BMAL1: variants seen among roughly 807,000 people sequenced by gnomAD.
BMAL1 encodes the protein basic helix-loop-helix ARNT-like protein 1.
chr11:13,364,666 A>G, the BMAL1 span, among the ~76,000 whole-genome samples: 2 of 152,346 alleles, frequency 1.3e-5, no homozygotes, highest in East Asian at 3.9e-4. Flanking sequence ...TGGGATTCAC[A>G]CAGCCCAAGC....
At chr11:13,323,358 A>G in the BMAL1 span, among the ~76,000 whole-genome samples, 1 of 152,182 alleles carries the variant, frequency 6.6e-6, no homozygotes, top group African/African-American at 2.4e-5. Context: ...CCCACTGCCC[A>G]TTCAGCAGCT....
At chr11:13,288,275 A>C in the BMAL1 span, among the ~76,000 whole-genome samples, 1 of 152,132 alleles carries the variant, frequency 6.6e-6, no homozygotes, top group Non-Finnish European at 1.5e-5. Context: ...GTGACAGCTG[A>C]TAAGTGGTAG....
At chr11:13,324,817 CTT>C in the BMAL1 span, among the ~76,000 whole-genome samples, 2 of 152,166 alleles carry the variant, frequency 1.3e-5, no homozygotes, top group African/African-American at 4.8e-5. Context: ...CAAGCGAAGA[CTT>C]TGGAGTTTAT....
chr11:13,291,457 C>T, the BMAL1 span, among the ~76,000 whole-genome samples: 1 of 152,162 alleles, frequency 6.6e-6, no homozygotes, highest in Non-Finnish European at 1.5e-5. Flanking sequence ...GAGTTTGAAG[C>T]TGTTGTCAGT....
the BMAL1 span, among the ~76,000 whole-genome samples, chr11:13,277,313 G>T: frequency 6.6e-6 from 1 of 152,218 alleles, no homozygotes. Context: ...CCAAACGCCA[G>T]CCGGCAGGGG....
At chr11:13,359,334 G>A in the BMAL1 span, among the ~76,000 whole-genome samples, 5 of 152,212 alleles carry the variant, frequency 3.3e-5, no homozygotes, top group African/African-American at 1.2e-4. Flanking sequence ...GACCTGCGTG[G>A]TAGAAGAATT....
the BMAL1 span, among the ~76,000 whole-genome samples, chr11:13,291,965 A>G: frequency 6.6e-6 from 1 of 152,232 alleles, no homozygotes; most frequent in Non-Finnish European, 1.5e-5. Flanking sequence ...ACAAGCTTCA[A>G]TTGTAACAGT....
At chr11:13,317,212 A>G in the BMAL1 span, among the ~76,000 whole-genome samples, 1 of 152,230 alleles carries the variant, frequency 6.6e-6, no homozygotes, top group Non-Finnish European at 1.5e-5. Context: ...GCAGGCTGTG[A>G]TGAAAGGGAG....
At chr11:13,377,756 G>T in the BMAL1 span, among the ~76,000 whole-genome samples, 2 of 152,324 alleles carry the variant, frequency 1.3e-5, no homozygotes, top group South Asian at 4.1e-4. Context: ...CATTTATGAT[G>T]AATTCCTTGG....
At chr11:13,322,676 G>A in the BMAL1 span, among the ~76,000 whole-genome samples, 3 of 150,448 alleles carry the variant, frequency 2.0e-5, no homozygotes, top group African/African-American at 7.3e-5. Flanking sequence ...ACATGGGTTT[G>A]TCCTGTCACC....
chr11:13,386,659 A>G, the BMAL1 span: 1 of 1,614,208 alleles, frequency 6.2e-7, no homozygotes, highest in Non-Finnish European at 8.5e-7. Flanking sequence ...AGTCCCAGTA[A>G]TGATGAGGCA....
chr11:13,380,357 C>CT, the BMAL1 span: 3 of 152,202 alleles, frequency 2.0e-5, no homozygotes. Flanking sequence ...CTGGGTCACC[C>CT]AAAAGCTACA....
At chr11:13,301,354 C>G in the BMAL1 span, among the ~76,000 whole-genome samples, 1 of 152,178 alleles carries the variant, frequency 6.6e-6, no homozygotes, top group African/African-American at 2.4e-5. Context: ...AGGGCTAAAA[C>G]TTTAGGGAGA....
At chr11:13,319,069 T>C in the BMAL1 span, among the ~76,000 whole-genome samples, 1 of 152,198 alleles carries the variant, frequency 6.6e-6, no homozygotes, top group South Asian at 2.1e-4. Flanking sequence ...CATAGATACT[T>C]TCCCTTTTGT....
chr11:13,291,163 A>C, the BMAL1 span, among the ~76,000 whole-genome samples: 2 of 152,234 alleles, frequency 1.3e-5, no homozygotes, highest in African/African-American at 4.8e-5. Flanking sequence ...ATGTTCATCA[A>C]AGTCACCCTG....
the BMAL1 span, among the ~76,000 whole-genome samples, chr11:13,384,493 A>T: frequency 3.3e-5 from 5 of 152,300 alleles, no homozygotes; most frequent in East Asian, 9.7e-4. Flanking sequence ...CCACATTGCA[A>T]CTCACCTTTA....
chr11:13,385,748 G>C, the BMAL1 span: 1 of 1,613,686 alleles, frequency 6.2e-7, no homozygotes, highest in Admixed American at 1.7e-5. Context: ...GCCAGGCTCA[G>C]GAGAACCCAG....
the BMAL1 span, among the ~76,000 whole-genome samples, chr11:13,378,019 C>T: frequency 6.6e-6 from 1 of 152,174 alleles, no homozygotes; most frequent in South Asian, 2.1e-4. Context: ...AAACTGTGAG[C>T]TCCTTGAGGG....
chr11:13,296,373 CTT>C, the BMAL1 span, among the ~76,000 whole-genome samples: 4 of 152,190 alleles, frequency 2.6e-5, no homozygotes, highest in Non-Finnish European at 4.4e-5. Flanking sequence ...TGGGGAATCA[CTT>C]GGCTTTCAGA....
Sources: gnomAD v4.1 joint callset for allele counts (sites outside exome capture counted in the v4.1 genomes callset) on GRCh38, gnomAD v4.1.1 for gene constraint, MANE v1.5 for transcripts, NCBI Gene and HGNC (gene_info 2026-07-23, HGNC 2026-07-21) for gene names.